Variants in ZNF704 observed in about 807,000 individuals in gnomAD.
ZNF704 encodes glucocorticoid induced gene 1.
Under a neutral mutation model 44.7 loss-of-function variants are expected in ZNF704, and 10 were observed. That is an observed-to-expected ratio of 0.22 (90% confidence interval 0.14 to 0.38). ZNF704 has a LOEUF of 0.38. Ranked by LOEUF, ZNF704 falls within the 10% of genes least tolerant of loss-of-function variation. The probability of loss-of-function intolerance (pLI) is 1.00; values close to 1 mark genes in which losing one functional copy is unlikely to be tolerated. For synonymous variants in ZNF704, 211 were observed against 207.6 expected, an observed-to-expected ratio of 1.02 and a Z score of -0.14; for missense variants, 390 against 545.5, an observed-to-expected ratio of 0.71 and a Z score of 2.84.
chr8:80,830,753 C>CTTTCTTTTTTT (rs1554585536), intron 1 of ZNF704, among the ~76,000 whole-genome samples: 4 of 89,128 alleles, frequency 4.5e-5, no homozygotes, highest in Non-Finnish European at 6.7e-5. Flanking sequence ...GTGTTTCTTT[C>CTTTCTTTTTTT]TTTTTTTTTT....
At chr8:80,847,236 A>G (rs1294738411) in intron 1 of ZNF704, among the ~76,000 whole-genome samples, 1 of 152,116 alleles carries the variant, frequency 6.6e-6, no homozygotes, top group East Asian at 1.9e-4. Context: ...GTCACCCCTC[A>G]AAAAAGAGAA....
chr8:80,839,669 G>C (rs968785244), intron 1 of ZNF704, among the ~76,000 whole-genome samples: 1 of 152,182 alleles, frequency 6.6e-6, no homozygotes, highest in Non-Finnish European at 1.5e-5. Context: ...TCAACACTGA[G>C]GCTTTCATAA....
intron 2 of ZNF704, among the ~76,000 whole-genome samples, chr8:80,766,692 G>A (rs565374901): frequency 2.6e-5 from 4 of 152,102 alleles, no homozygotes; most frequent in African/African-American, 7.2e-5. Flanking sequence ...GGACATTACC[G>A]TTATCCAGTC....
At chr8:80,880,206 T>C in the ZNF704 span, among the ~76,000 whole-genome samples, 1 of 152,214 alleles carries the variant, frequency 6.6e-6, no homozygotes, top group African/African-American at 2.4e-5. Context: ...AGGAAGTCTT[T>C]GCTATGTGCA....
At chr8:80,827,474 A>G (rs1808397942) in intron 1 of ZNF704, among the ~76,000 whole-genome samples, 1 of 152,200 alleles carries the variant, frequency 6.6e-6, no homozygotes, top group Admixed American at 6.5e-5. Context: ...AAGAATCAAT[A>G]TCATGAAAAT....
chr8:80,687,161 T>TA, intron 4 of ZNF704, 65 bp downstream of exon 4: 1 of 1,457,598 alleles, frequency 6.9e-7, no homozygotes, highest in Non-Finnish European at 9.5e-7. Context: ...ACACCGGCCC[T>TA]TCAGAGGGGA....
chr8:80,758,835 G>C (rs1807081461), intron 2 of ZNF704, among the ~76,000 whole-genome samples: 1 of 152,050 alleles, frequency 6.6e-6, no homozygotes, highest in African/African-American at 2.4e-5. Flanking sequence ...GAATTACACA[G>C]AAAATAATGC....
At chr8:80,855,660 G>T (rs1349833991) in intron 1 of ZNF704, among the ~76,000 whole-genome samples, 1 of 152,088 alleles carries the variant, frequency 6.6e-6, no homozygotes, top group African/African-American at 2.4e-5. Context: ...ATTACTTAAT[G>T]GATACAATGT....
chr8:80,693,703 G>A (rs543831240), intron 2 of ZNF704, among the ~76,000 whole-genome samples: 67 of 152,270 alleles, frequency 4.4e-4, no homozygotes, highest in African/African-American at 1.5e-3. Context: ...ATGGCAGCAG[G>A]AATGTGCGGG....
At chr8:80,824,950 G>T (rs1435765566) in intron 1 of ZNF704, among the ~76,000 whole-genome samples, 2 of 152,156 alleles carry the variant, frequency 1.3e-5, no homozygotes, top group Admixed American at 6.5e-5. Flanking sequence ...GGAACAACTG[G>T]TACCAGCCAC....
At chr8:80,682,088 G>A (rs180858760) in intron 4 of ZNF704, among the ~76,000 whole-genome samples, 55 of 152,260 alleles carry the variant, frequency 3.6e-4, no homozygotes, top group African/African-American at 1.2e-3. Flanking sequence ...TGGAACAGCC[G>A]TTCTTTTTGC....
chr8:80,707,386 G>A (rs1006492532), intron 2 of ZNF704, among the ~76,000 whole-genome samples: 1 of 151,864 alleles, frequency 6.6e-6, no homozygotes, highest in Non-Finnish European at 1.5e-5. Context: ...CATAATATAT[G>A]GATTATAGGC....
At position 80,744,307 on chromosome 8, in the gene ZNF704, TC is replaced by T. The variant is rs201120127; in HGVS notation, c.222-51201del. On this transcript the variant is annotated intron_variant, in intron 2 of 8. Coordinates refer to ENST00000327835, the MANE Select transcript of ZNF704 (RefSeq NM_001033723.3). Reference sequence around the variant, plus strand: ...TATATATATATTTGGATGGCACTGTTCTAGAACATTGAAGTAACATTGAGAG... The same window carrying T: ...TATATATATATTTGGATGGCACTGTTTAGAACATTGAAGTAACATTGAGAG... Among the ~76,000 whole-genome samples the T allele has an allele frequency of 4.2e-3, 640 of 152,250 alleles. 10 individuals are homozygous for T. Among genetic ancestry groups the T allele is most frequent in the Admixed American group, 0.031 (468 of 15,290 alleles).
intron 2 of ZNF704, among the ~76,000 whole-genome samples, chr8:80,724,717 C>T (rs1806445312): frequency 6.6e-6 from 1 of 152,148 alleles, no homozygotes; most frequent in Admixed American, 6.5e-5. Flanking sequence ...TTCAACAAAT[C>T]CCTAAAATCC....
At chr8:80,835,281 A>C (rs1329063838) in intron 1 of ZNF704, among the ~76,000 whole-genome samples, 3 of 152,218 alleles carry the variant, frequency 2.0e-5, no homozygotes, top group Non-Finnish European at 4.4e-5. Flanking sequence ...TATTTTTCCC[A>C]ACCATATGGT....
intron 2 of ZNF704, among the ~76,000 whole-genome samples, chr8:80,770,045 T>C (rs1056164971): frequency 2.6e-5 from 4 of 152,160 alleles, no homozygotes; most frequent in African/African-American, 9.7e-5. Flanking sequence ...CTCCCCCTTA[T>C]GAAACCATCA....
intron 1 of ZNF704, among the ~76,000 whole-genome samples, chr8:80,859,820 A>G (rs1307670587): frequency 6.6e-6 from 1 of 152,138 alleles, no homozygotes; most frequent in African/African-American, 2.4e-5. Context: ...AGCGACACAG[A>G]GAGATTAGAA....
chr8:80,751,262 T>C (rs909804936), intron 2 of ZNF704, among the ~76,000 whole-genome samples: 2 of 152,076 alleles, frequency 1.3e-5, no homozygotes, highest in African/African-American at 4.8e-5. Flanking sequence ...TGGGCCAGCG[T>C]GCTGGTTCTT....
In ZNF704 at chr8:80,638,856, T is replaced by A. The variant is rs950687960; in HGVS notation, c.*2510A>T. 1 of 152,294 alleles carries A rather than the reference T, an allele frequency of 6.6e-6. No individual in the cohort carries two copies. The highest frequency in any genetic ancestry group is 1.5e-5 in the Non-Finnish European group (1 of 68,138). 9.4% of individuals were successfully genotyped at this position (152,294 alleles called of 1,614,324 possible). ...AAGCAGCCCCAACTTGGGTAGGAGG[T>A]ACAGAACTGTGTGAAAAATGCTTTA... is the stretch of plus-strand genomic sequence containing the variant. On this transcript the variant is annotated 3_prime_UTR_variant, in exon 9 of 9. Coordinates refer to ENST00000327835, the MANE Select transcript of ZNF704 (RefSeq NM_001033723.3).
Sources: gnomAD v4.1 joint callset for allele counts (sites outside exome capture counted in the v4.1 genomes callset) on GRCh38, gnomAD v4.1.1 for gene constraint, MANE v1.5 for transcripts, NCBI Gene and HGNC (gene_info 2026-07-23, HGNC 2026-07-21) for gene names.